The following NDRG3 variants were observed in gnomAD, a reference collection of about 807,000 sequenced individuals.
NDRG3 encodes protein NDRG3.
In NDRG3, 23 loss-of-function variants were observed where a neutral mutation model predicts 57.2. The ratio of observed to expected loss-of-function variants is 0.40; its 90% CI spans 0.29 to 0.57. The LOEUF is 0.57. Ranked by LOEUF, NDRG3 falls within the 20% of genes least tolerant of loss-of-function variation. NDRG3 has a pLI of 0.42. For synonymous variants in NDRG3, 132 were observed against 162.6 expected, an observed-to-expected ratio of 0.81 and a Z score of 1.43; for missense variants, 384 against 457.3, an observed-to-expected ratio of 0.84 and a Z score of 1.46.
At chr20:36,684,348 G>A in intron 6 of NDRG3, 65 bp downstream of exon 6, 1 of 1,333,266 alleles carries the variant, frequency 7.5e-7, no homozygotes, top group Non-Finnish European at 1.1e-6. Context: ...CTCTGAAACA[G>A]ACACTAAATA....
chr20:36,741,802 C>T (rs1985941296), intron 1 of NDRG3, among the ~76,000 whole-genome samples: 1 of 152,148 alleles, frequency 6.6e-6, no homozygotes, highest in African/African-American at 2.4e-5. Context: ...TGCAAATTCT[C>T]GGATTCCACT....
At chr20:36,727,565 C>T (rs1444021133) in intron 1 of NDRG3, among the ~76,000 whole-genome samples, 2 of 146,298 alleles carry the variant, frequency 1.4e-5, no homozygotes, top group East Asian at 2.0e-4. Flanking sequence ...TTTTTTGAGA[C>T]GGAGTCTCGC....
intron 3 of NDRG3, among the ~76,000 whole-genome samples, chr20:36,697,778 G>A (rs1841345402): frequency 1.3e-5 from 2 of 151,462 alleles, no homozygotes; most frequent in Non-Finnish European, 2.9e-5. Flanking sequence ...CATGAATGGT[G>A]CCATGTATGA....
chr20:36,695,249 C>T (rs1982677958), intron 3 of NDRG3, among the ~76,000 whole-genome samples: 1 of 152,186 alleles, frequency 6.6e-6, no homozygotes, highest in South Asian at 2.1e-4. Flanking sequence ...GCCTCAGGAC[C>T]CTGTGATGAT....
At chr20:36,697,708 C>CA (rs909080495) in intron 3 of NDRG3, among the ~76,000 whole-genome samples, 2,694 of 85,038 alleles carry the variant, frequency 0.032, 70 homozygotes, top group African/African-American at 0.097. Context: ...AACTCTGTCT[C>CA]AAAAAAAAAA....
chr20:36,661,728 G>A (rs977294853), intron 12 of NDRG3, among the ~76,000 whole-genome samples: 2 of 152,202 alleles, frequency 1.3e-5, no homozygotes, highest in African/African-American at 2.4e-5. Context: ...CACAGAAGGT[G>A]TCTGAAGTGA....
chr20:36,666,411 G>T lies in NDRG3; in HGVS notation c.589-19C>A. The T allele has an allele frequency of 6.4e-7, 1 of 1,558,822 alleles. No individual in the cohort carries two copies. The highest frequency in any genetic ancestry group is 8.8e-7 in the Non-Finnish European group (1 of 1,129,950). On this transcript the variant is annotated intron_variant, in intron 9 of 15. Coordinates refer to ENST00000349004, the MANE Select transcript of NDRG3 (RefSeq NM_032013.4). ...ACTCTTCCTAGAACAATTGAAAGAA[G>T]ACATGGGTAAGCTTCTGAGCTCCAG... is the stretch of plus-strand genomic sequence containing the variant.
intron 3 of NDRG3, among the ~76,000 whole-genome samples, chr20:36,705,405 A>G (rs1221120220): frequency 2.6e-5 from 4 of 152,104 alleles, no homozygotes; most frequent in Non-Finnish European, 2.9e-5. Context: ...AAGATACTGT[A>G]TGTTTAGTAG....
At chr20:36,724,468 G>A (rs1003407262) in intron 1 of NDRG3, among the ~76,000 whole-genome samples, 1 of 151,564 alleles carries the variant, frequency 6.6e-6, no homozygotes, top group Admixed American at 6.6e-5. Flanking sequence ...CTTAAACAGT[G>A]AGTTTCAGCC....
rs1296146756 is a variant in NDRG3, at chr20:36,688,787, G to A, written c.94-3C>T. On this transcript the variant is annotated splice_polypyrimidine_tract_variant and splice_region_variant and intron_variant, in intron 3 of 15. Coordinates refer to ENST00000349004, the MANE Select transcript of NDRG3 (RefSeq NM_032013.4). ...TGAGTTGTTTCTATATCATGTTCCT[G>A]TAACAAGAGAATGTAAGTTCTCAGA... is the stretch of plus-strand genomic sequence containing the variant. 2.5e-6 allele frequency: 4 copies of A among 1,607,188 alleles called. No homozygotes were observed. Among genetic ancestry groups the A allele is most frequent in the South Asian group, 1.1e-5 (1 of 90,920 alleles).
At chr20:36,674,595 C>CTT (rs561643631) in intron 8 of NDRG3, among the ~76,000 whole-genome samples, 1,827 of 116,786 alleles carry the variant, frequency 0.016, 66 homozygotes, top group African/African-American at 0.056. Context: ...ATCAATAAAG[C>CTT]TTTTTTTTTT....
intron 1 of NDRG3, among the ~76,000 whole-genome samples, chr20:36,727,937 A>C (rs1000738487): frequency 6.6e-6 from 1 of 152,204 alleles, no homozygotes; most frequent in African/African-American, 2.4e-5. Context: ...GGTAGCATGC[A>C]ACTATAGTGT....
intron 1 of NDRG3, among the ~76,000 whole-genome samples, chr20:36,741,672 T>C (rs1985935986): frequency 6.6e-6 from 1 of 152,138 alleles, no homozygotes; most frequent in South Asian, 2.1e-4. Context: ...CACACGCACT[T>C]TTTTGAAACA....
At chr20:36,733,146 C>CAAAAAAAAAAAAAAAAA (rs141850127) in intron 1 of NDRG3, among the ~76,000 whole-genome samples, 1 of 38,978 alleles carries the variant, frequency 2.6e-5, no homozygotes, top group African/African-American at 9.2e-5. Context: ...GATCCTGTCT[C>CAAAAAAAAAAAAAAAAA]AAAAAAAAAA....
chr20:36,732,062 A>C (rs1600969707), intron 1 of NDRG3, among the ~76,000 whole-genome samples: 1 of 152,114 alleles, frequency 6.6e-6, no homozygotes, highest in African/African-American at 2.4e-5. Context: ...CTGAGGCTGC[A>C]GCGAGCCACG....
At chr20:36,740,323 G>A (rs1248964700) in intron 1 of NDRG3, among the ~76,000 whole-genome samples, 1 of 152,188 alleles carries the variant, frequency 6.6e-6, no homozygotes, top group Non-Finnish European at 1.5e-5. Context: ...CCTCCAAAGT[G>A]CACCCCAGTT....
intron 15 of NDRG3, among the ~76,000 whole-genome samples, chr20:36,654,470 A>G (rs935805078): frequency 4.6e-5 from 7 of 152,166 alleles, no homozygotes; most frequent in African/African-American, 1.7e-4. Flanking sequence ...TGACCCTCCT[A>G]TTTAGAGCCA....
In NDRG3 at chr20:36,665,237, T is replaced by A; in HGVS notation, c.757A>T (p.Lys253Ter). ...GQNDNKSKTL[K>*]CSTLLVVGDN... is the part of the protein sequence containing the mutation. ...AGCTGAGGAAACTGAGGAACTTACT[T>A]TAATGTTTTTGATTTGTTATCATTT... Residue 253 changes from lysine to a stop codon, truncating the protein, a stop_gained and splice_region_variant, in exon 11 of 16, where the codon AAG (lysine) becomes TAG (stop). Transcript: ENST00000349004. LOFTEE classifies it high-confidence loss of function. The A allele has an allele frequency of 6.2e-7, 1 of 1,614,140 alleles. No individual in the cohort carries two copies. Among genetic ancestry groups the A allele is most frequent in the South Asian group, 1.1e-5 (1 of 91,090 alleles).
rs6129430 is a variant in NDRG3 at position 36,674,052 on chromosome 20, C to T, written c.532-2655G>A. 1.0e-3 allele frequency among the ~76,000 whole-genome samples: 159 copies of T among 151,980 alleles called. 5 individuals are homozygous for T. In the East Asian group the frequency reaches 0.03, roughly 29 times the overall value. On this transcript the variant is annotated intron_variant, in intron 8 of 15. Transcript: ENST00000349004. Reference sequence around the variant, plus strand: ...CTGGGAGATAGAGGTTGCAGTGAGCCGAGATCACGCCACTGCACACTCCAG... The same window carrying T: ...CTGGGAGATAGAGGTTGCAGTGAGCTGAGATCACGCCACTGCACACTCCAG...
Sources: gnomAD v4.1 joint callset for allele counts (sites outside exome capture counted in the v4.1 genomes callset) on GRCh38, gnomAD v4.1.1 for gene constraint, MANE v1.5 for transcripts, NCBI Gene and HGNC (gene_info 2026-07-23, HGNC 2026-07-21) for gene names.